CNIH3: variants seen among roughly 807,000 people sequenced by gnomAD.
CNIH3 encodes protein cornichon homolog 3.
Under a neutral mutation model 24.1 loss-of-function variants are expected in CNIH3, and 14 were observed. The ratio of observed to expected loss-of-function variants is 0.58; its 90% CI spans 0.38 to 0.91. The LOEUF (loss-of-function observed/expected upper bound fraction) is 0.91. CNIH3 is among the 40% of genes least tolerant of loss of function. The pLI is 0.00. For synonymous variants in CNIH3, 68 were observed against 73.8 expected (o/e 0.92, Z 0.40); for missense variants, 178 against 196.8 (o/e 0.90, Z 0.57).
chr1:224,696,678 A>G (rs1286942981), intron 3 of CNIH3, among the ~76,000 whole-genome samples: 1 of 152,170 alleles, frequency 6.6e-6, no homozygotes, highest in African/African-American at 2.4e-5. Flanking sequence ...ACAGCCCAAT[A>G]GGTACCAATC....
At chr1:224,694,141 C>T (rs967693819) in intron 3 of CNIH3, among the ~76,000 whole-genome samples, 2 of 152,200 alleles carry the variant, frequency 1.3e-5, no homozygotes, top group African/African-American at 4.8e-5. Context: ...ACAGATGTTG[C>T]CAGCTGCCAG....
intron 1 of CNIH3, among the ~76,000 whole-genome samples, chr1:224,665,591 A>G (rs934770825): frequency 1.6e-4 from 24 of 152,088 alleles, no homozygotes; most frequent in Admixed American, 3.9e-4. Context: ...ACCTCCTGCA[A>G]TCCTCGAGGC....
At chr1:224,706,954 CTTTCTT>C (rs1687845326) in intron 3 of CNIH3, among the ~76,000 whole-genome samples, 2 of 128,734 alleles carry the variant, frequency 1.6e-5, no homozygotes, top group Admixed American at 9.1e-5. Context: ...CCTTTCCTTT[CTTTCTT>C]TTTTTTTTTT....
intron 1 of CNIH3, among the ~76,000 whole-genome samples, chr1:224,641,623 A>AAATGCTG (rs1218890415): frequency 6.6e-6 from 1 of 152,234 alleles, no homozygotes; most frequent in African/African-American, 2.4e-5. Flanking sequence ...CTAAGAGCAC[A>AAATGCTG]AATGCTGCAG....
At chr1:224,579,423 ACTT>A (rs1468599989) in intron 4 of CNIH3, among the ~76,000 whole-genome samples, 9 of 152,122 alleles carry the variant, frequency 5.9e-5, no homozygotes, top group Non-Finnish European at 1.0e-4. Flanking sequence ...TGGCTGAAGA[ACTT>A]CTTTGACAAA....
At chr1:224,500,923 G>A (rs1572368438) in intron 1 of CNIH3, among the ~76,000 whole-genome samples, 2 of 152,058 alleles carry the variant, frequency 1.3e-5, no homozygotes, top group African/African-American at 2.4e-5. Context: ...GGAAGCAGCC[G>A]GCATCTGTGC....
intron 4 of CNIH3, among the ~76,000 whole-genome samples, chr1:224,573,370 T>A (rs1680902254): frequency 6.6e-6 from 1 of 152,110 alleles, no homozygotes; most frequent in African/African-American, 2.4e-5. Flanking sequence ...CAGCCTTTTT[T>A]TGGAGATGTA....
Position 224,617,249 on chromosome 1 carries a change from C to G in CNIH3, c.75C>G (p.Ile25Met). ...GCGCTGCGCTCATCTTCTTCGCCAT[C>G]TGGCACGTGAGTAACACGCTTTGGT... is the stretch of plus-strand genomic sequence containing the variant. The part of the protein sequence containing the change: ...VLCAALIFFA[I>M]WHIIAFDELR... Residue 25 changes from isoleucine to methionine, a missense_variant, in exon 1 of 6, where the codon ATC becomes ATG. Ile to Met is a conservative substitution (Grantham distance 10, BLOSUM62 1). Transcript: ENST00000272133. The G allele has an allele frequency of 6.2e-7, 1 of 1,613,972 alleles. No individual in the cohort carries two copies. Among genetic ancestry groups the G allele is most frequent in the Non-Finnish European group, 8.5e-7 (1 of 1,179,944 alleles).
chr1:224,480,020 T>C (rs764793810), intron 1 of CNIH3, among the ~76,000 whole-genome samples: 27 of 152,186 alleles, frequency 1.8e-4, no homozygotes, highest in Non-Finnish European at 2.5e-4. Flanking sequence ...AGTGGTTCTC[T>C]ATGAGGGCCC....
chr1:224,513,344 G>A (rs1289879196), upstream of CNIH3, among the ~76,000 whole-genome samples: 14 of 136,044 alleles, frequency 1.0e-4, no homozygotes, highest in African/African-American at 3.5e-4. Context: ...GTAGAGTTGG[G>A]GGTGGGGGTG....
intron 3 of CNIH3, among the ~76,000 whole-genome samples, chr1:224,711,726 TC>T (rs1558322400): frequency 7.4e-6 from 1 of 134,642 alleles, no homozygotes; most frequent in African/African-American, 2.9e-5. Flanking sequence ...GCACAGGAGA[TC>T]AAGGCTGCAG....
chr1:224,580,473 A>G (rs1187152524), intron 4 of CNIH3, among the ~76,000 whole-genome samples: 2 of 152,210 alleles, frequency 1.3e-5, no homozygotes, highest in Non-Finnish European at 2.9e-5. Context: ...CAATATTTAA[A>G]GCGGAAAAGT....
intron 1 of CNIH3, among the ~76,000 whole-genome samples, chr1:224,441,486 C>T (rs1674911072): frequency 6.6e-6 from 1 of 152,218 alleles, no homozygotes; most frequent in East Asian, 1.9e-4. Context: ...CCCCAGGAGT[C>T]CCTGCATAGA....
chr1:224,676,984 G>A (rs1686170858), intron 1 of CNIH3, among the ~76,000 whole-genome samples: 1 of 152,196 alleles, frequency 6.6e-6, no homozygotes, highest in African/African-American at 2.4e-5. Context: ...TTCTCTGTAT[G>A]TACTTGGAGG....
chr1:224,566,068 A>C (rs1401122322), intron 3 of CNIH3: 1 of 151,566 alleles, frequency 6.6e-6, no homozygotes, highest in Non-Finnish European at 1.5e-5. Flanking sequence ...TGCTTTAATT[A>C]ACTTAGAAAT....
chr1:224,522,787 G>A (rs1678692677), intron 2 of CNIH3, among the ~76,000 whole-genome samples: 1 of 152,138 alleles, frequency 6.6e-6, no homozygotes, highest in Non-Finnish European at 1.5e-5. Context: ...TGGAACTGTT[G>A]GAACCCTCAT....
intron 1 of CNIH3, among the ~76,000 whole-genome samples, chr1:224,461,739 A>G (rs533717801): frequency 5.3e-4 from 80 of 152,332 alleles, no homozygotes; most frequent in African/African-American, 1.8e-3. Context: ...CAGCACCACA[A>G]TCTAAGTTTA....
rs186371072 is a variant in CNIH3 at position 224,710,554 on chromosome 1, C to T, written c.199-19908C>T. On this transcript the variant is annotated intron_variant, in intron 3 of 5. Coordinates refer to ENST00000272133, the MANE Select transcript of CNIH3 (RefSeq NM_152495.2). ...ACCACTAAAGGACTTGGCATGGCTC[C>T]TAAGGTACTCTGTGACTTCCCCTAA... Among the ~76,000 whole-genome samples, 435 of 152,290 alleles carry T rather than the reference C, an allele frequency of 2.9e-3. 2 individuals carry two copies. Among genetic ancestry groups the T allele is most frequent in the South Asian group, 0.023 (110 of 4,824 alleles).
chr1:224,637,814 A>G (rs925173656), intron 1 of CNIH3, among the ~76,000 whole-genome samples: 2 of 151,752 alleles, frequency 1.3e-5, no homozygotes, highest in Non-Finnish European at 2.9e-5. Context: ...GGCCCTTTCT[A>G]TCCTCTCAGT....
Sources: allele counts gnomAD v4.1 joint callset (sites outside exome capture counted in the v4.1 genomes callset), GRCh38; gene constraint gnomAD v4.1.1; transcripts MANE v1.5; gene names NCBI Gene and HGNC (gene_info 2026-07-23, HGNC 2026-07-21).